RARB: variants seen among roughly 807,000 people sequenced by gnomAD.
RARB encodes the protein HBV-activated protein.
RARB carries 17 observed loss-of-function variants against 51.9 expected under a neutral mutation model. That is an observed-to-expected ratio of 0.33 (90% CI 0.22 to 0.49). The LOEUF (loss-of-function observed/expected upper bound fraction) is 0.49, where lower values mean the gene tolerates loss of function less well. Ranked by LOEUF, RARB falls within the 20% of genes least tolerant of loss-of-function variation. RARB has a pLI of 0.99. For missense variants in RARB, 369 were observed against 550.8 expected (o/e 0.67, Z 3.30); for synonymous variants, 215 against 195.4 (o/e 1.10, Z -0.84).
At chr3:25,554,239 A>C (rs755572346) in intron 3 of RARB, among the ~76,000 whole-genome samples, 3 of 149,972 alleles carry the variant, frequency 2.0e-5, no homozygotes, top group Non-Finnish European at 3.0e-5. Context: ...AGCTGAAATA[A>C]AACAAAAAAA....
intron 3 of RARB, among the ~76,000 whole-genome samples, chr3:25,512,694 C>T (rs1344918041): frequency 6.6e-6 from 1 of 152,210 alleles, no homozygotes; most frequent in Non-Finnish European, 1.5e-5. Context: ...CGCACATACA[C>T]GCGACACACT....
intron 4 of RARB, among the ~76,000 whole-genome samples, chr3:25,153,464 G>T (rs1037962655): frequency 7.3e-5 from 11 of 150,146 alleles, no homozygotes; most frequent in African/African-American, 2.4e-4. Context: ...CCATTTGTAC[G>T]ACTTCTGCTG....
At chr3:24,872,936 C>T (rs191287873) in intron 2 of RARB, among the ~76,000 whole-genome samples, 6 of 152,322 alleles carry the variant, frequency 3.9e-5, no homozygotes, top group Admixed American at 3.3e-4. Context: ...TATTTTCTAA[C>T]GTCCTGTATC....
chr3:24,896,316 G>A lies in RARB; in HGVS notation c.-380+37564G>A, dbSNP rs547054405. 1.8e-4 allele frequency among the ~76,000 whole-genome samples: 27 copies of A among 152,224 alleles called. No homozygotes were observed. In the South Asian group the frequency reaches 2.9e-3, roughly 16 times the overall value. On this transcript the variant is annotated intron_variant, in intron 2 of 11. Transcript: ENST00000383772. The stretch of plus-strand genomic sequence containing the variant: ...GCTCTGTCACCCAGGCTGGAGTGCC[G>A]TGGCGTGATCTCGGCTCACTGCAAC...
intron 3 of RARB, among the ~76,000 whole-genome samples, chr3:25,075,161 T>A (rs528953828): frequency 3.9e-5 from 6 of 152,284 alleles, no homozygotes; most frequent in African/African-American, 1.2e-4. Context: ...TTCCAGTAAT[T>A]TAGCTAGTGC....
intron 5 of RARB, among the ~76,000 whole-genome samples, chr3:25,286,289 C>T (rs559502198): frequency 1.2e-4 from 18 of 152,108 alleles, no homozygotes; most frequent in South Asian, 2.1e-4. Context: ...GGGGTTTCAC[C>T]GTGTTAGCCA....
chr3:25,345,813 GT>G, intron 5 of RARB: 1 of 577,582 alleles, frequency 1.7e-6, no homozygotes, highest in Non-Finnish European at 2.2e-6. Flanking sequence ...GAAATGAACT[GT>G]ATCAGTTAAT....
chr3:25,130,479 AT>A (rs140172804), intron 3 of RARB, among the ~76,000 whole-genome samples: 3 of 151,270 alleles, frequency 2.0e-5, no homozygotes, highest in Admixed American at 2.0e-4. Flanking sequence ...GCATGTTGTC[AT>A]TTTTTTTTAA....
At chr3:25,573,587 G>A (rs1275813423) in intron 4 of RARB, among the ~76,000 whole-genome samples, 4 of 152,206 alleles carry the variant, frequency 2.6e-5, no homozygotes. Context: ...TGTTTTTATT[G>A]TGAGCCACTT....
chr3:25,582,056 A>T (rs1047960501), intron 5 of RARB, among the ~76,000 whole-genome samples: 13 of 152,116 alleles, frequency 8.5e-5, no homozygotes, highest in African/African-American at 3.1e-4. Context: ...GCCTAACAGG[A>T]TGTAAAAGAG....
intron 2 of RARB, among the ~76,000 whole-genome samples, chr3:24,935,865 T>G (rs75862768): frequency 0.02 from 3,004 of 152,296 alleles, 57 homozygotes; most frequent in Middle Eastern, 0.065. Context: ...CAGAGAGCTC[T>G]GTCCAATTGT....
At position 25,027,963 on chromosome 3, in the gene RARB, T is replaced by C. The variant is rs566975651; in HGVS notation, c.-379-32162T>C. Among the ~76,000 whole-genome samples, 12 of 105,556 alleles carry C rather than the reference T, an allele frequency of 1.1e-4. No homozygotes were observed. The East Asian group carries it at 1.9e-3, about 17-fold the overall frequency. 69.2% of individuals were successfully genotyped at this position (105,556 alleles called of 152,430 possible). A position where few individuals can be genotyped will look rare whatever the true frequency, so the allele number is the denominator to read the frequency against. On this transcript the variant is annotated intron_variant, in intron 2 of 11. Transcript: ENST00000383772. ...CTTCTCTGAAATAAACAGGCCTTCATTGGCTCATGGATTTTTTTTTTCAAA... is the reference window on the plus strand; with the variant it reads ...CTTCTCTGAAATAAACAGGCCTTCACTGGCTCATGGATTTTTTTTTTCAAA...
At chr3:25,223,674 A>G (rs915637463) in intron 5 of RARB, among the ~76,000 whole-genome samples, 2 of 152,230 alleles carry the variant, frequency 1.3e-5, no homozygotes, top group Non-Finnish European at 2.9e-5. Flanking sequence ...CAGTAGTCAT[A>G]TGAAGAGAGC....
At chr3:25,012,636 A>G (rs1443705551) in intron 2 of RARB, among the ~76,000 whole-genome samples, 1 of 152,174 alleles carries the variant, frequency 6.6e-6, no homozygotes, top group African/African-American at 2.4e-5. Context: ...TTGACTTTCT[A>G]ATGAGTGAGC....
chr3:25,386,413 G>C (rs1559380685), intron 5 of RARB, among the ~76,000 whole-genome samples: 1 of 152,156 alleles, frequency 6.6e-6, no homozygotes, highest in Non-Finnish European at 1.5e-5. Flanking sequence ...CCTGATGGTA[G>C]GTGGAGTTAT....
At chr3:25,029,171 A>G (rs994650608) in intron 2 of RARB, among the ~76,000 whole-genome samples, 1 of 152,194 alleles carries the variant, frequency 6.6e-6, no homozygotes, top group Non-Finnish European at 1.5e-5. Context: ...CAAGTTCTGC[A>G]TTTTAGAGAG....
intron 5 of RARB, among the ~76,000 whole-genome samples, chr3:25,349,202 C>CACTA (rs763989359): frequency 7.2e-5 from 11 of 152,190 alleles, no homozygotes; most frequent in Admixed American, 2.6e-4. Context: ...CAGTGACTTG[C>CACTA]ACTACCTGGT....
At chr3:24,915,495 G>T (rs1387791823) in intron 2 of RARB, among the ~76,000 whole-genome samples, 3 of 152,162 alleles carry the variant, frequency 2.0e-5, no homozygotes, top group Non-Finnish European at 4.4e-5. Flanking sequence ...TATCATACTG[G>T]ACAGGGACAG....
chr3:25,149,155 G>A (rs563501631), intron 4 of RARB, among the ~76,000 whole-genome samples: 2 of 152,268 alleles, frequency 1.3e-5, no homozygotes, highest in East Asian at 1.9e-4. Context: ...TGAGAGAAGG[G>A]TGATGAGATT....
Sources: gnomAD v4.1 joint callset for allele counts (sites outside exome capture counted in the v4.1 genomes callset) on GRCh38, gnomAD v4.1.1 for gene constraint, MANE v1.5 for transcripts, NCBI Gene and HGNC (gene_info 2026-07-23, HGNC 2026-07-21) for gene names.